HEPACAM2: variants seen among roughly 807,000 people sequenced by gnomAD.
The protein encoded by HEPACAM2 is mitotic kinetics regulator.
In HEPACAM2, 49 loss-of-function variants were observed where a neutral mutation model predicts 49.6. That is an observed-to-expected ratio of 0.99 (90% CI 0.78 to 1.25). HEPACAM2 has a LOEUF of 1.25. Among genes scored for constraint, HEPACAM2 ranks in the 50% most tolerant of loss-of-function variants. The pLI is 0.00. For synonymous variants in HEPACAM2, 197 were observed against 202.9 expected, an observed-to-expected ratio of 0.97 and a Z score of 0.25; for missense variants, 525 against 557.2, an observed-to-expected ratio of 0.94 and a Z score of 0.58.
intron 3 of HEPACAM2, among the ~76,000 whole-genome samples, chr7:93,215,034 G>A (rs1794266646): frequency 6.6e-6 from 1 of 152,126 alleles, no homozygotes; most frequent in African/African-American, 2.4e-5. Context: ...GGTAATATTT[G>A]GAGAGGAAAA....
intron 4 of HEPACAM2, among the ~76,000 whole-genome samples, chr7:93,208,178 C>T (rs1015221271): frequency 3.9e-5 from 6 of 151,944 alleles, no homozygotes; most frequent in Non-Finnish European, 7.4e-5. Flanking sequence ...GAAGGGGAAT[C>T]AAATAGAAGT....
intron 9 of HEPACAM2, 110 bp from the exon 10 acceptor site, chr7:93,189,380 A>G (rs1045905391): frequency 4.6e-6 from 3 of 646,146 alleles, no homozygotes; most frequent in Non-Finnish European, 5.1e-6. Flanking sequence ...GATTAGAAGA[A>G]TGTTTGGAGC....
intron 3 of HEPACAM2, among the ~76,000 whole-genome samples, chr7:93,210,415 A>G (rs112363021): frequency 0.013 from 2,013 of 152,078 alleles, 54 homozygotes; most frequent in African/African-American, 0.046. Context: ...AAATATATGC[A>G]CTTAATCGTT....
chr7:93,188,945 A>T lies in HEPACAM2; in HGVS notation c.*322T>A. 2.3e-6 allele frequency: 1 copy of T among 426,710 alleles called. No homozygotes were observed. The highest frequency in any genetic ancestry group is 3.4e-5 in the East Asian group (1 of 29,038). The allele number at this position is 426,710 out of a possible 1,614,324, so 26.4% of individuals were successfully genotyped here. A position where few individuals can be genotyped will look rare whatever the true frequency, so the allele number is the denominator to read the frequency against. On this transcript the variant is annotated 3_prime_UTR_variant, in exon 10 of 10. Coordinates refer to ENST00000394468, the MANE Select transcript of HEPACAM2 (RefSeq NM_001039372.4). ...ATAGTGAAAGTGTAGAGTAGAACTAATTGAGGTTTGTAGAGATATTTCATA... is the reference window on the plus strand; with the variant it reads ...ATAGTGAAAGTGTAGAGTAGAACTATTTGAGGTTTGTAGAGATATTTCATA...
chr7:93,222,027 T>C (rs1239889554), intron 1 of HEPACAM2, among the ~76,000 whole-genome samples: 1 of 152,096 alleles, frequency 6.6e-6, no homozygotes, highest in Non-Finnish European at 1.5e-5. Flanking sequence ...AAAGAAGTAG[T>C]GGTTTTCGCA....
chr7:93,201,728 C>A lies in HEPACAM2; in HGVS notation c.1013-4118G>T, dbSNP rs147830184. 4.2e-3 allele frequency among the ~76,000 whole-genome samples: 639 copies of A among 152,102 alleles called. 3 individuals carry two copies. The highest frequency in any genetic ancestry group is 0.015 in the African/African-American group (610 of 41,520). ...TCAGTTCTACCAATTGAAGCAATGA[C>A]AAATAAATCAAATCCTCTCTGTATA... On this transcript the variant is annotated intron_variant, in intron 4 of 9. Coordinates refer to ENST00000394468, the MANE Select transcript of HEPACAM2 (RefSeq NM_001039372.4).
intron 3 of HEPACAM2, among the ~76,000 whole-genome samples, chr7:93,212,024 A>C (rs187300405): frequency 2.0e-5 from 3 of 152,124 alleles, no homozygotes; most frequent in Admixed American, 2.0e-4. Flanking sequence ...CTTTTTGGGG[A>C]ACTCCTCATT....
intron 1 of HEPACAM2, 111 bp downstream of exon 1, chr7:93,226,257 C>CT (rs1484873918): frequency 2.7e-6 from 2 of 732,660 alleles, no homozygotes; most frequent in Non-Finnish European, 4.6e-6. Context: ...CTGACCTGCT[C>CT]TTCAATTATC....
chr7:93,228,230 G>C (rs11773604), upstream of HEPACAM2, among the ~76,000 whole-genome samples: 1,860 of 152,122 alleles, frequency 0.012, 15 homozygotes, highest in Non-Finnish European at 0.019. Flanking sequence ...ATATAAAGGA[G>C]TTTTTTATTC....
chr7:93,193,184 A>G (rs75315332), intron 8 of HEPACAM2, among the ~76,000 whole-genome samples: 2 of 152,042 alleles, frequency 1.3e-5, no homozygotes, highest in Admixed American at 1.3e-4. Flanking sequence ...AACTCTGAAG[A>G]GTTCACTATC....
chr7:93,224,648 A>G (rs774246074), intron 1 of HEPACAM2, among the ~76,000 whole-genome samples: 1 of 152,194 alleles, frequency 6.6e-6, no homozygotes, highest in Non-Finnish European at 1.5e-5. Context: ...TATTCCAGCA[A>G]CAAAGGACTC....
intron 7 of HEPACAM2, among the ~76,000 whole-genome samples, chr7:93,196,915 A>G (rs941739655): frequency 6.6e-6 from 1 of 152,168 alleles, no homozygotes; most frequent in Non-Finnish European, 1.5e-5. Context: ...CAAAATAATA[A>G]TAGGATCAAT....
intron 4 of HEPACAM2, among the ~76,000 whole-genome samples, chr7:93,199,018 A>C (rs181444187): frequency 7.4e-4 from 112 of 152,194 alleles, no homozygotes; most frequent in Admixed American, 2.3e-3. Context: ...GAAATCGGTT[A>C]TCTCTTCTAA....
At chr7:93,214,228 T>A (rs948008152) in intron 3 of HEPACAM2, among the ~76,000 whole-genome samples, 1 of 152,108 alleles carries the variant, frequency 6.6e-6, no homozygotes, top group African/African-American at 2.4e-5. Context: ...CATAAATGAA[T>A]AAGTAAGTGA....
intron 4 of HEPACAM2, among the ~76,000 whole-genome samples, chr7:93,203,018 C>G (rs1270228017): frequency 2.0e-5 from 3 of 152,126 alleles, no homozygotes; most frequent in Non-Finnish European, 2.9e-5. Context: ...TTCCTTATTT[C>G]TTTAGGCTCC....
At chr7:93,206,924 T>C (rs1168121899) in intron 4 of HEPACAM2, among the ~76,000 whole-genome samples, 1 of 152,090 alleles carries the variant, frequency 6.6e-6, no homozygotes, top group East Asian at 1.9e-4. Context: ...AACTTTTTAG[T>C]AAATTCAAAA....
At position 93,204,610 on chromosome 7, in the gene HEPACAM2, T is replaced by C. The variant is rs914236037; in HGVS notation, c.1012+3970A>G. On this transcript the variant is annotated intron_variant, in intron 4 of 9. Coordinates refer to ENST00000394468, the MANE Select transcript of HEPACAM2 (RefSeq NM_001039372.4). ...CTAACTTTGCATTAATATGAAATTA[T>C]ACACATTGTAGACAAACCAGAGTAT... Among the ~76,000 whole-genome samples the C allele has an allele frequency of 7.2e-5, 11 of 152,288 alleles. 1 individual carries two copies. Among genetic ancestry groups the C allele is most frequent in the African/African-American group, 2.6e-4 (11 of 41,578 alleles).
chr7:93,199,655 A>G (rs534734060), intron 4 of HEPACAM2, among the ~76,000 whole-genome samples: 1 of 152,208 alleles, frequency 6.6e-6, no homozygotes, highest in African/African-American at 2.4e-5. Context: ...AGAAGTTTAC[A>G]TGAAGTTATG....
upstream of HEPACAM2, among the ~76,000 whole-genome samples, chr7:93,230,477 A>G (rs969175073): frequency 6.6e-6 from 1 of 152,236 alleles, no homozygotes; most frequent in Non-Finnish European, 1.5e-5. Flanking sequence ...TTTGAGATCT[A>G]CTGAACTCAG....
Sources: allele counts gnomAD v4.1 joint callset (sites outside exome capture counted in the v4.1 genomes callset), GRCh38; gene constraint gnomAD v4.1.1; transcripts MANE v1.5; gene names NCBI Gene and HGNC (gene_info 2026-07-23, HGNC 2026-07-21).